Variants in RIMS4 observed in about 807,000 individuals in gnomAD.
RIMS4 encodes regulating synaptic membrane exocytosis 4.
Under a neutral mutation model 29.0 loss-of-function variants are expected in RIMS4, and 9 were observed. The observed-to-expected ratio is 0.31, with a 90% CI of 0.19 to 0.54. The LOEUF is 0.54. Among genes scored for constraint, RIMS4 ranks in the 20% least tolerant of loss-of-function variants. The pLI, the probability that RIMS4 is intolerant of heterozygous loss-of-function variation, is 0.94. For missense variants in RIMS4, 193 were observed against 365.7 expected (o/e 0.53, Z 3.85); for synonymous variants, 130 against 152.9 (o/e 0.85, Z 1.10).
intron 1 of RIMS4, among the ~76,000 whole-genome samples, chr20:44,809,394 T>C (rs1015504396): frequency 6.6e-6 from 1 of 151,778 alleles, no homozygotes; most frequent in African/African-American, 2.4e-5. Context: ...TCGCTCTGGC[T>C]GAGGTTGTGC....
chr20:44,785,050 A>T (rs1051173693), intron 1 of RIMS4, among the ~76,000 whole-genome samples: 7 of 152,194 alleles, frequency 4.6e-5, no homozygotes, highest in Non-Finnish European at 8.8e-5. Context: ...TTGAGTAGCA[A>T]GATTCTAGCC....
intron 1 of RIMS4, among the ~76,000 whole-genome samples, chr20:44,806,900 A>G (rs2066301278): frequency 6.6e-6 from 1 of 152,200 alleles, no homozygotes; most frequent in Admixed American, 6.5e-5. Context: ...GCTATGAGGA[A>G]TGAGTTAATA....
chr20:44,765,125 A>C (rs2066108184), intron 2 of RIMS4, among the ~76,000 whole-genome samples: 1 of 152,238 alleles, frequency 6.6e-6, no homozygotes, highest in Admixed American at 6.5e-5. Context: ...AGAATTGTTA[A>C]GTAATTGAAC....
chr20:44,787,653 C>T (rs560221641), intron 1 of RIMS4, among the ~76,000 whole-genome samples: 1 of 150,592 alleles, frequency 6.6e-6, no homozygotes, highest in Non-Finnish European at 1.5e-5. Flanking sequence ...TGAAAATCTG[C>T]TGGGAGCTGC....
At chr20:44,784,407 G>T (rs1038490157) in intron 1 of RIMS4, among the ~76,000 whole-genome samples, 1 of 152,210 alleles carries the variant, frequency 6.6e-6, no homozygotes, top group South Asian at 2.1e-4. Context: ...AGCTAGCAAG[G>T]CTTAGTTAAG....
At chr20:44,773,242 T>G (rs1049318109) in intron 1 of RIMS4, among the ~76,000 whole-genome samples, 1 of 152,150 alleles carries the variant, frequency 6.6e-6, no homozygotes, top group African/African-American at 2.4e-5. Context: ...GGAGAGCGTG[T>G]GTGCCCCTAT....
chr20:44,790,508 C>T (rs2066228303), intron 1 of RIMS4, among the ~76,000 whole-genome samples: 1 of 152,142 alleles, frequency 6.6e-6, no homozygotes, highest in Non-Finnish European at 1.5e-5. Context: ...CCTTGGGGTC[C>T]CACAACAGAT....
At chr20:44,805,079 C>G (rs1238036334) in intron 1 of RIMS4, among the ~76,000 whole-genome samples, 1 of 151,812 alleles carries the variant, frequency 6.6e-6, no homozygotes, top group African/African-American at 2.4e-5. Context: ...ACGGGAGGAT[C>G]GTTGAGTTCA....
chr20:44,754,901 G>A lies in RIMS4; in HGVS notation c.*1233C>T, dbSNP rs1601014654. 1.3e-5 allele frequency: 2 copies of A among 152,728 alleles called. No homozygotes were observed. Among genetic ancestry groups the A allele is most frequent in the East Asian group, 3.9e-4 (2 of 5,168 alleles). 9.5% of individuals were successfully genotyped at this position (152,728 alleles called of 1,614,324 possible). A position where few individuals can be genotyped will look rare whatever the true frequency, so the allele number is the denominator to read the frequency against. On this transcript the variant is annotated 3_prime_UTR_variant, in exon 6 of 6. Transcript: ENST00000372851. ...GGTGGCAGAAATGTGCTTCTATAAAGAGGGGCCAGCCTCCATCCTCCCTTG... is the reference window on the plus strand; with the variant it reads ...GGTGGCAGAAATGTGCTTCTATAAAAAGGGGCCAGCCTCCATCCTCCCTTG...
At chr20:44,792,187 T>C (rs979110504) in intron 1 of RIMS4, among the ~76,000 whole-genome samples, 3 of 152,176 alleles carry the variant, frequency 2.0e-5, no homozygotes, top group African/African-American at 4.8e-5. Flanking sequence ...GTGATATCTG[T>C]TGACTGCATA....
At chr20:44,762,034 C>A (rs1428188286) in intron 2 of RIMS4, among the ~76,000 whole-genome samples, 1 of 152,082 alleles carries the variant, frequency 6.6e-6, no homozygotes, top group Non-Finnish European at 1.5e-5. Flanking sequence ...TGGACTGGGG[C>A]AGGGAGTGGG....
At chr20:44,796,083 A>T (rs1192879384) in intron 1 of RIMS4, among the ~76,000 whole-genome samples, 1 of 123,890 alleles carries the variant, frequency 8.1e-6, no homozygotes. Flanking sequence ...ATCCTGTCTC[A>T]CCCCCTCCCC....
At chr20:44,783,056 G>C (rs1402728036) in intron 1 of RIMS4, among the ~76,000 whole-genome samples, 2 of 152,204 alleles carry the variant, frequency 1.3e-5, no homozygotes. Context: ...ACAATACTCT[G>C]AGATAGAGAG....
rs1451152217 is a variant in RIMS4, at chr20:44,810,498, C to CGGCGGCGGCGGT, written c.-228_-227insACCGCCGCCGCC. On this transcript the variant is annotated 5_prime_UTR_variant, in exon 1 of 6. Transcript: ENST00000372851. The stretch of plus-strand genomic sequence containing the variant: ...CCGAGGCGCGCTGTGCTGCTGGCGG[C>CGGCGGCGGCGGT]GGCGGCGGCGGCGGCGGTGGCGGCG... 7.8e-6 allele frequency among the ~76,000 whole-genome samples: 1 copy of CGGCGGCGGCGGT among 128,658 alleles called. No homozygotes were observed. Among genetic ancestry groups the CGGCGGCGGCGGT allele is most frequent in the African/African-American group, 3.6e-5 (1 of 28,106 alleles). 84.4% of individuals were successfully genotyped at this position (128,658 alleles called of 152,430 possible).
intron 1 of RIMS4, among the ~76,000 whole-genome samples, chr20:44,794,350 C>CT (rs1340035576): frequency 1.3e-5 from 2 of 152,188 alleles, no homozygotes; most frequent in African/African-American, 2.4e-5. Context: ...TTTTCTGGGG[C>CT]TGGAGACATT....
chr20:44,775,441 G>T (rs1040368182), intron 1 of RIMS4, among the ~76,000 whole-genome samples: 5 of 152,288 alleles, frequency 3.3e-5, no homozygotes, highest in African/African-American at 1.2e-4. Flanking sequence ...GGCAGAGCTA[G>T]AAGTGTCTGG....
At chr20:44,770,817 T>C (rs1209778573) in intron 2 of RIMS4, among the ~76,000 whole-genome samples, 1 of 152,096 alleles carries the variant, frequency 6.6e-6, no homozygotes, top group Non-Finnish European at 1.5e-5. Context: ...AAAGAGGAAA[T>C]AATGATGATA....
chr20:44,785,245 T>TC (rs2066203193), intron 1 of RIMS4, among the ~76,000 whole-genome samples: 1 of 151,718 alleles, frequency 6.6e-6, no homozygotes. Context: ...TTTTTTTTTT[T>TC]CTTTTATAAG....
At chr20:44,803,534 T>A (rs999657594) in intron 1 of RIMS4, among the ~76,000 whole-genome samples, 1 of 152,144 alleles carries the variant, frequency 6.6e-6, no homozygotes, top group East Asian at 1.9e-4. Flanking sequence ...CACACAGTCA[T>A]CTCACTCCCC....
Sources: allele counts gnomAD v4.1 joint callset (sites outside exome capture counted in the v4.1 genomes callset), GRCh38; gene constraint gnomAD v4.1.1; transcripts MANE v1.5; gene names NCBI Gene and HGNC (gene_info 2026-07-23, HGNC 2026-07-21).